Variants in DNMT3A observed in about 807,000 individuals in gnomAD.
The protein encoded by DNMT3A is DNA methyltransferase 3 alpha, also known as DNA (cytosine-5)-methyltransferase 3A.
In DNMT3A, 267 loss-of-function variants were observed where a neutral mutation model predicts 117.6. That is an observed-to-expected ratio of 2.27 (90% CI 2.05 to 2.51). The LOEUF is 2.51. Among genes scored for constraint, DNMT3A ranks in the 30% most tolerant of loss-of-function variants. The pLI is 0.00. For missense variants in DNMT3A, 1,029 were observed against 1,260.2 expected (o/e 0.82, Z 2.78); for synonymous variants, 432 against 474.8 (o/e 0.91, Z 1.17).
rs2035475549 is a variant in DNMT3A at position 25,341,861 on chromosome 2, CGCCCTGGTGCCGCGGCGCCGCGTCCCG to C, written c.-240_-214del. The C allele has an allele frequency of 1.0e-6, 1 of 979,872 alleles. No individual in the cohort carries two copies. Among genetic ancestry groups the C allele is most frequent in the Admixed American group, 6.3e-5 (1 of 15,752 alleles). 60.7% of individuals were successfully genotyped at this position (979,872 alleles called of 1,614,324 possible). Reference sequence around the variant, plus strand: ...GTGGGGTCGGGCCGGCCCGGCTGCGCGCCCTGGTGCCGCGGCGCCGCGTCCCGGCTCGTCCTCTGCTCTCGCCGCCGC... The same window carrying C: ...GTGGGGTCGGGCCGGCCCGGCTGCGCGCTCGTCCTCTGCTCTCGCCGCCGC... On this transcript the variant is annotated 5_prime_UTR_variant, in exon 1 of 23. Transcript: ENST00000321117.
At chr2:25,317,860 C>T (rs750576435) in intron 1 of DNMT3A, among the ~76,000 whole-genome samples, 2 of 152,170 alleles carry the variant, frequency 1.3e-5, no homozygotes, top group African/African-American at 2.4e-5. Context: ...CTCAGCCTCC[C>T]GAGTAGCTGG....
rs1418448403 is a variant in DNMT3A, at chr2:25,341,751, G to GC, written c.-178+74dup. The GC allele has an allele frequency of 4.2e-6, 4 of 945,972 alleles. No individual in the cohort carries two copies. The East Asian group carries it at 4.8e-4, about 114-fold the overall frequency. 58.6% of individuals were successfully genotyped at this position (945,972 alleles called of 1,614,324 possible). A position where few individuals can be genotyped will look rare whatever the true frequency, so the allele number is the denominator to read the frequency against. On this transcript the variant is annotated intron_variant, in intron 1 of 22. Transcript: ENST00000321117. ...CGAGCCGGGCACTGCCAGCCGCGGC[G>GC]CCCCCCGCCCGGCTCCCCGGCTCCC... is the stretch of plus-strand genomic sequence containing the variant.
At position 25,246,243 on chromosome 2, in the gene DNMT3A, GC is replaced by G; in HGVS notation, c.1345del (p.Ala449HisfsTer202). ...MWVEPEAAAYAPPPPAKKPRK... is the reference protein window; with the variant it reads ...MWVEPEAAAYXPPPPAKKPRK... Reference sequence around the variant, plus strand: ...GGGCTTTTTGGCTGGTGGAGGTGGTGCGTAGGCAGCTGCCTCAGGTTCCACC... The same window carrying G: ...GGGCTTTTTGGCTGGTGGAGGTGGTGGTAGGCAGCTGCCTCAGGTTCCACC... On this transcript the variant is annotated frameshift_variant, in exon 11 of 23. Transcript: ENST00000321117. LOFTEE classifies it high-confidence loss of function. The G allele has an allele frequency of 6.2e-7, 1 of 1,614,156 alleles. No individual in the cohort carries two copies. Among genetic ancestry groups the G allele is most frequent in the Non-Finnish European group, 8.5e-7 (1 of 1,179,994 alleles).
At position 25,239,180 on chromosome 2, in the gene DNMT3A, T is replaced by C. The variant is rs774846521; in HGVS notation, c.2358A>G (p.Ser786=). The C allele has an allele frequency of 6.2e-7, 1 of 1,614,120 alleles. No homozygotes were observed. Among genetic ancestry groups the C allele is most frequent in the Non-Finnish European group, 8.5e-7 (1 of 1,179,988 alleles). The change falls in exon 20 of 23, where the codon TCA becomes TCG. Residue 786 remains serine (S), a synonymous_variant. Transcript: ENST00000321117. ...NPVMIDAKEV[S]AAHRARYFWG... is the part of the protein sequence containing the mutation. Reference sequence around the variant, plus strand: ...AGAAGTAGCGGGCCCTGTGTGCAGCTGACACTTCTTTGGCATCAATCATCA... The same window carrying C: ...AGAAGTAGCGGGCCCTGTGTGCAGCCGACACTTCTTTGGCATCAATCATCA...
intron 16 of DNMT3A, 150 bp downstream of exon 16, chr2:25,243,748 T>C: frequency 3.3e-6 from 3 of 920,138 alleles, no homozygotes; most frequent in Non-Finnish European, 5.0e-6. Context: ...ACTGCATACG[T>C]TTCCACTTCA....
chr2:25,276,518 C>T (rs773554457), intron 4 of DNMT3A, among the ~76,000 whole-genome samples: 7 of 152,240 alleles, frequency 4.6e-5, no homozygotes, highest in Non-Finnish European at 8.8e-5. Context: ...AGACCTTGCC[C>T]TCTCCCTGTG....
intron 17 of DNMT3A, 105 bp from the exon 18 acceptor site, chr2:25,240,835 A>G: frequency 1.7e-6 from 2 of 1,149,710 alleles, no homozygotes; most frequent in Admixed American, 2.0e-5. Context: ...CTTTGACACG[A>G]AAGAGAGGAG....
In DNMT3A at chr2:25,300,227, T is replaced by G. The variant is rs143730975; in HGVS notation, c.89A>C (p.Glu30Ala). ...EEDRKDGEEQEEPRGKEERQE... is the reference protein window; with the variant it reads ...EEDRKDGEEQAEPRGKEERQE... Reference sequence around the variant, plus strand: ...GCGCTCCTCCTTGCCACGCGGCTCCTCCTGCTCCTCTCCGTCCTGCAGGCA... The same window carrying G: ...GCGCTCCTCCTTGCCACGCGGCTCCGCCTGCTCCTCTCCGTCCTGCAGGCA... The change falls in exon 3 of 23, where the codon GAG (glutamate) becomes GCG (alanine). Residue 30 changes from glutamate to alanine, a missense_variant. Physicochemically the swap from Glu to Ala is moderately radical, Grantham distance 107. Coordinates refer to ENST00000321117, the MANE Select transcript of DNMT3A (RefSeq NM_022552.5). 2.7e-3 allele frequency: 4,408 copies of G among 1,608,508 alleles called. 19 individuals are homozygous for G. Among genetic ancestry groups the G allele is most frequent in the Non-Finnish European group, 2.4e-3 (2,879 of 1,179,946 alleles).
In DNMT3A at chr2:25,286,269, G is replaced by A. The variant is rs1426171031; in HGVS notation, c.178-3558C>T. Among the ~76,000 whole-genome samples the A allele has an allele frequency of 6.6e-6, 1 of 152,232 alleles. No individual in the cohort carries two copies. The highest frequency in any genetic ancestry group is 2.1e-4 in the South Asian group (1 of 4,832). ...CCAACCCAGTCCTTCATGCACAAGA[G>A]TAAGCCCTGCCCTGGCCTTGCCCGC... On this transcript the variant is annotated intron_variant, in intron 3 of 22. Coordinates refer to ENST00000321117, the MANE Select transcript of DNMT3A (RefSeq NM_022552.5). This position sits in a 1 kb window ranked among gnomAD's most constrained non-coding sequence, Gnocchi z 4.3.
intron 1 of DNMT3A, chr2:25,314,703 C>CT (rs1400222462): frequency 2.4e-5 from 24 of 985,298 alleles, no homozygotes; most frequent in Non-Finnish European, 2.8e-5. Context: ...TGAGCTCAGG[C>CT]TGCAGGCCTG....
intron 6 of DNMT3A, among the ~76,000 whole-genome samples, chr2:25,258,004 G>A (rs1017268854): frequency 2.0e-5 from 3 of 152,196 alleles, no homozygotes; most frequent in Non-Finnish European, 2.9e-5. Context: ...ATGCGTCCCA[G>A]GTGAGCCCTC....
chr2:25,335,904 G>T (rs1369907679), intron 1 of DNMT3A, among the ~76,000 whole-genome samples: 1 of 152,154 alleles, frequency 6.6e-6, no homozygotes, highest in African/African-American at 2.4e-5. Flanking sequence ...CAGCCTTTAA[G>T]GGTCAGAGAG....
chr2:25,252,303 T>A lies in DNMT3A; in HGVS notation c.640-4051A>T. 3.2e-5 allele frequency: 1 copy of A among 31,172 alleles called. No individual in the cohort carries two copies. The highest frequency in any genetic ancestry group is 7.1e-4 in the East Asian group (1 of 1,412). The allele number at this position is 31,172 out of a possible 1,614,324, so 1.9% of individuals were successfully genotyped here. A position where few individuals can be genotyped will look rare whatever the true frequency, so the allele number is the denominator to read the frequency against. ...GGGGAGGGGAAGGGGGCGATGGGGC[T>A]GGGGGCGGAGGGGGCCACTGGGAGG... On this transcript the variant is annotated intron_variant, in intron 6 of 22. Coordinates refer to ENST00000321117, the MANE Select transcript of DNMT3A (RefSeq NM_022552.5). This position sits in a 1 kb window ranked among gnomAD's most constrained non-coding sequence, Gnocchi z 5.5.
chr2:25,235,916 A>G, intron 21 of DNMT3A, 91 bp from the exon 22 acceptor site: 1 of 1,203,384 alleles, frequency 8.3e-7, no homozygotes. Flanking sequence ...GGTACTCGCC[A>G]AACCCTGACA....
At chr2:25,239,337 T>G (rs1673721240) in intron 19 of DNMT3A, 122 bp from the exon 20 acceptor site, 3 of 802,506 alleles carry the variant, frequency 3.7e-6, no homozygotes, top group Non-Finnish European at 6.3e-6. Context: ...AGCCACACAC[T>G]GGGCTAGCCT....
chr2:25,287,768 CAAT>C (rs1057389317), intron 3 of DNMT3A, among the ~76,000 whole-genome samples: 2 of 148,832 alleles, frequency 1.3e-5, no homozygotes, highest in African/African-American at 4.9e-5. Flanking sequence ...GACAAAATGG[CAAT>C]AATGTCTTTG....
At chr2:25,334,753 A>G (rs926881876) in intron 1 of DNMT3A, among the ~76,000 whole-genome samples, 1 of 152,164 alleles carries the variant, frequency 6.6e-6, no homozygotes, top group South Asian at 2.1e-4. Context: ...AATATCTGCG[A>G]TATTTCTCCC....
At chr2:25,329,237 A>G (rs2034916667) in intron 1 of DNMT3A, among the ~76,000 whole-genome samples, 1 of 152,196 alleles carries the variant, frequency 6.6e-6, no homozygotes, top group South Asian at 2.1e-4. Context: ...CCCTGCCTCC[A>G]GCAGTCCCTG....
intron 1 of DNMT3A, among the ~76,000 whole-genome samples, chr2:25,340,876 G>C (rs1362186332): frequency 1.7e-5 from 2 of 115,438 alleles, no homozygotes; most frequent in Admixed American, 8.9e-5. Context: ...GCCCGGGCCC[G>C]GGATCCTCGC....
Sources: gnomAD v4.1 joint callset for allele counts (sites outside exome capture counted in the v4.1 genomes callset) on GRCh38, gnomAD v4.1.1 for gene constraint, Gnocchi (gnomAD v3.1) non-coding constraint, MANE v1.5 for transcripts, NCBI Gene and HGNC (gene_info 2026-07-23, HGNC 2026-07-21) for gene names.